Variants in PTPN4 observed in about 807,000 individuals in gnomAD.
The protein encoded by PTPN4 is tyrosine-protein phosphatase non-receptor type 4.
PTPN4 carries 49 observed loss-of-function variants against 135.5 expected under a neutral mutation model. The observed-to-expected ratio is 0.36, with a 90% confidence interval of 0.29 to 0.46. The LOEUF (loss-of-function observed/expected upper bound fraction) is 0.46. Ranked by LOEUF, PTPN4 falls within the 20% of genes least tolerant of loss-of-function variation. The pLI is 1.00. For synonymous variants in PTPN4, 333 were observed against 369.9 expected, an observed-to-expected ratio of 0.90 and a Z score of 1.14; for missense variants, 860 against 1,101.0, an observed-to-expected ratio of 0.78 and a Z score of 3.10.
chr2:119,922,931 GTTGAATTTA>G (rs1465401505), intron 12 of PTPN4, among the ~76,000 whole-genome samples: 2 of 152,188 alleles, frequency 1.3e-5, no homozygotes, highest in African/African-American at 4.8e-5. Context: ...CATCTAGGTT[GTTGAATTTA>G]TTGGCACAGA....
At chr2:119,791,300 T>G (rs1173929050) in intron 1 of PTPN4, 1 of 152,144 alleles carries the variant, frequency 6.6e-6, no homozygotes, top group Non-Finnish European at 1.5e-5. Context: ...CAGCTACTTT[T>G]TGTATTTTTA....
chr2:119,961,425 T>A (rs892676424), intron 23 of PTPN4, among the ~76,000 whole-genome samples: 12 of 152,340 alleles, frequency 7.9e-5, no homozygotes, highest in African/African-American at 2.9e-4. Context: ...AAACAAGTTC[T>A]AGGGATGATA....
chr2:119,859,364 G>A (rs371551433), intron 2 of PTPN4, among the ~76,000 whole-genome samples: 13 of 152,142 alleles, frequency 8.5e-5, no homozygotes, highest in African/African-American at 1.4e-4. Flanking sequence ...ACTTTGGATC[G>A]CATTTAATTG....
At chr2:119,871,972 C>T (rs1048937615) in intron 3 of PTPN4, among the ~76,000 whole-genome samples, 3 of 151,988 alleles carry the variant, frequency 2.0e-5, no homozygotes, top group Non-Finnish European at 4.4e-5. Flanking sequence ...GGTTAAATCA[C>T]CTGATTTTAT....
intron 1 of PTPN4, among the ~76,000 whole-genome samples, chr2:119,790,735 T>C (rs1691129464): frequency 6.6e-6 from 1 of 152,202 alleles, no homozygotes; most frequent in African/African-American, 2.4e-5. Context: ...TATATGTCTT[T>C]GGTCCCTTTT....
intron 10 of PTPN4, among the ~76,000 whole-genome samples, chr2:119,913,909 G>C (rs977531993): frequency 5.3e-5 from 8 of 151,914 alleles, no homozygotes; most frequent in African/African-American, 1.9e-4. Context: ...GATACTGTTT[G>C]AAAGATTTTT....
At chr2:119,889,845 T>C (rs558249344) in intron 9 of PTPN4, among the ~76,000 whole-genome samples, 1 of 152,346 alleles carries the variant, frequency 6.6e-6, no homozygotes, top group African/African-American at 2.4e-5. Context: ...AAAGAATTTT[T>C]TTATTTCCAT....
intron 1 of PTPN4, among the ~76,000 whole-genome samples, chr2:119,768,704 C>A (rs1690681933): frequency 6.6e-6 from 1 of 152,182 alleles, no homozygotes; most frequent in African/African-American, 2.4e-5. Flanking sequence ...TAGTTGTCTC[C>A]TTTCTCCTTG....
intron 20 of PTPN4, among the ~76,000 whole-genome samples, chr2:119,956,155 T>C (rs930362100): frequency 2.0e-5 from 3 of 151,980 alleles, no homozygotes; most frequent in African/African-American, 7.2e-5. Context: ...TAATGTGCAT[T>C]TTGACCCACG....
At chr2:119,945,375 C>A in intron 16 of PTPN4, 135 bp downstream of exon 16, 2 of 768,424 alleles carry the variant, frequency 2.6e-6, no homozygotes, top group Non-Finnish European at 4.0e-6. Flanking sequence ...ATTCTTTGGT[C>A]CTGAATTGTG....
At chr2:119,855,010 G>A (rs923373418) in intron 2 of PTPN4, among the ~76,000 whole-genome samples, 1 of 152,130 alleles carries the variant, frequency 6.6e-6, no homozygotes, top group African/African-American at 2.4e-5. Context: ...GATTGCTGTT[G>A]TGCCTCTATG....
rs185023103 is a variant in PTPN4 at position 119,977,338 on chromosome 2, G to A, written c.*268G>A. On this transcript the variant is annotated 3_prime_UTR_variant, in exon 27 of 27. Transcript: ENST00000263708. ...TGTTCAGGGTAATTTATGAAATTTT[G>A]TGGTGGTGCCATGCAATCCCCTTTT... 1.2e-3 allele frequency: 445 copies of A among 367,112 alleles called. 1 individual carries two copies. Among genetic ancestry groups the A allele is most frequent in the African/African-American group, 9.1e-3 (424 of 46,450 alleles). The allele number at this position is 367,112 out of a possible 1,614,324, so 22.7% of individuals were successfully genotyped here.
chr2:119,957,111 G>GA (rs375575560), intron 22 of PTPN4, 34 bp downstream of exon 22: 2 of 1,505,990 alleles, frequency 1.3e-6, no homozygotes, highest in African/African-American at 1.4e-5. Context: ...TTGCCATTTG[G>GA]AAAAATACGA....
intron 2 of PTPN4, among the ~76,000 whole-genome samples, chr2:119,836,874 C>A (rs1470258172): frequency 6.6e-6 from 1 of 152,228 alleles, no homozygotes; most frequent in Non-Finnish European, 1.5e-5. Flanking sequence ...ACTTTGGGCG[C>A]TGATGAGCAC....
At chr2:119,924,443 T>G (rs1678786217) in intron 12 of PTPN4, among the ~76,000 whole-genome samples, 1 of 152,104 alleles carries the variant, frequency 6.6e-6, no homozygotes, top group Non-Finnish European at 1.5e-5. Flanking sequence ...ATAATGGTGA[T>G]GATTTCTTTA....
Position 119,955,197 on chromosome 2 carries a change from A to G in PTPN4, c.1854A>G (p.Pro618=). ...DVVEEKLENE[P]DFQYIPEKAP... ...TGGAAGAAAAGCTAGAAAATGAGCCAGATTTCCAGTATATTCCTGAGAAAG... is the reference window on the plus strand; with the variant it reads ...TGGAAGAAAAGCTAGAAAATGAGCCGGATTTCCAGTATATTCCTGAGAAAG... The change falls in exon 20 of 27, where the codon CCA becomes CCG. Residue 618 remains proline, a synonymous_variant. Transcript: ENST00000263708. The G allele has an allele frequency of 6.2e-7, 1 of 1,612,560 alleles. No individual in the cohort carries two copies. The highest frequency in any genetic ancestry group is 8.5e-7 in the Non-Finnish European group (1 of 1,179,560).
At position 119,934,712 on chromosome 2, in the gene PTPN4, C is replaced by A; in HGVS notation, c.1197-88C>A. On this transcript the variant is annotated intron_variant, in intron 14 of 26. Transcript: ENST00000263708. ...CATGGCTTGACTTAAAAACACATACCCCCTTTCTGATGTAACCATATATTA... is the reference window on the plus strand; with the variant it reads ...CATGGCTTGACTTAAAAACACATACACCCTTTCTGATGTAACCATATATTA... 5 of 1,313,094 alleles carry A rather than the reference C, an allele frequency of 3.8e-6. No individual in the cohort carries two copies. In the South Asian group the frequency reaches 3.8e-5, roughly 10 times the overall value. The allele number at this position is 1,313,094 out of a possible 1,614,324, so 81.3% of individuals were successfully genotyped here.
At position 119,760,011 on chromosome 2, in the gene PTPN4, C is replaced by T. The variant is rs1366478877; in HGVS notation, c.-391C>T. 1.3e-5 allele frequency: 5 copies of T among 382,268 alleles called. No homozygotes were observed. In the East Asian group the frequency reaches 1.9e-4, roughly 14 times the overall value. The allele number at this position is 382,268 out of a possible 1,614,324, so 23.7% of individuals were successfully genotyped here. A position where few individuals can be genotyped will look rare whatever the true frequency, so the allele number is the denominator to read the frequency against. On this transcript the variant is annotated 5_prime_UTR_variant, in exon 1 of 27. Transcript: ENST00000263708. ...TTGTTCTCTCAGGACTCCTGGGTCCCAGGGGCCGGAATTGGGCCTGAGCGG... is the reference window on the plus strand; with the variant it reads ...TTGTTCTCTCAGGACTCCTGGGTCCTAGGGGCCGGAATTGGGCCTGAGCGG...
rs768597341 is a variant in PTPN4, at chr2:119,945,249, C to A, written c.1515+9C>A. 6.6e-7 allele frequency: 1 copy of A among 1,518,848 alleles called. No homozygotes were observed. Among genetic ancestry groups the A allele is most frequent in the Non-Finnish European group, 8.8e-7 (1 of 1,135,680 alleles). 94.1% of individuals were successfully genotyped at this position (1,518,848 alleles called of 1,614,324 possible). On this transcript the variant is annotated intron_variant, in intron 16 of 26. Transcript: ENST00000263708. ...CTCCTGAAAAACCCACTGTAAGTAG[C>A]TTCTTCAGATATTCTCATTTTTATT... is the stretch of plus-strand genomic sequence containing the variant.
Sources: gnomAD v4.1 joint callset for allele counts (sites outside exome capture counted in the v4.1 genomes callset) on GRCh38, gnomAD v4.1.1 for gene constraint, MANE v1.5 for transcripts, NCBI Gene and HGNC (gene_info 2026-07-23, HGNC 2026-07-21) for gene names.